Variants in TFDP2 observed in about 807,000 individuals in gnomAD.
The protein encoded by TFDP2 is transcription factor Dp-2.
Under a neutral mutation model 59.3 loss-of-function variants are expected in TFDP2, and 17 were observed. That is an observed-to-expected ratio of 0.29 (90% CI 0.20 to 0.43). The LOEUF (loss-of-function observed/expected upper bound fraction) is 0.43, where lower values mean the gene tolerates loss of function less well. Among genes scored for constraint, TFDP2 ranks in the 20% least tolerant of loss-of-function variants. TFDP2 has a pLI of 1.00. For synonymous variants in TFDP2, 180 were observed against 194.7 expected, an observed-to-expected ratio of 0.92 and a Z score of 0.63; for missense variants, 391 against 528.8, an observed-to-expected ratio of 0.74 and a Z score of 2.56.
chr3:142,036,207 A>G (rs192411954), intron 3 of TFDP2, among the ~76,000 whole-genome samples: 5 of 152,308 alleles, frequency 3.3e-5, no homozygotes, highest in Non-Finnish European at 2.9e-5. Context: ...TCCTTAATGG[A>G]TAACTGTTTT....
At chr3:142,063,847 T>A (rs347691) in intron 3 of TFDP2, among the ~76,000 whole-genome samples, 147 of 147,752 alleles carry the variant, frequency 9.9e-4, no homozygotes, top group Middle Eastern at 3.6e-3. Context: ...AAAAAAAAAA[T>A]TTCTGAATTG....
rs754553656 is a variant in TFDP2 at position 141,948,043 on chromosome 3, A to G, written c.*4470T>C. The G allele has an allele frequency of 6.6e-6, 1 of 152,208 alleles. No homozygotes were observed. Among genetic ancestry groups the G allele is most frequent in the Non-Finnish European group, 1.5e-5 (1 of 68,044 alleles). 9.4% of individuals were successfully genotyped at this position (152,208 alleles called of 1,614,324 possible). A position where few individuals can be genotyped will look rare whatever the true frequency, so the allele number is the denominator to read the frequency against. On this transcript the variant is annotated 3_prime_UTR_variant, in exon 13 of 13. Coordinates refer to ENST00000489671, the MANE Select transcript of TFDP2 (RefSeq NM_001178139.2). The stretch of plus-strand genomic sequence containing the variant: ...GCAGGGCTCTCGCTGCTCCGCCCCA[A>G]TGCCTGCTCACAGTAGGTACTCAAA...
intron 1 of TFDP2, chr3:142,126,275 T>C (rs765020488): frequency 6.6e-6 from 1 of 151,428 alleles, no homozygotes; most frequent in Admixed American, 6.6e-5. Context: ...GCCTCCCGGA[T>C]TCAAGCGATT....
At chr3:141,964,371 G>T (rs569294367) in intron 9 of TFDP2, among the ~76,000 whole-genome samples, 2 of 152,196 alleles carry the variant, frequency 1.3e-5, no homozygotes, top group Non-Finnish European at 2.9e-5. Context: ...CTCGAGGGAG[G>T]CTGGGCACAG....
chr3:142,105,965 G>C (rs1162396357), intron 1 of TFDP2, among the ~76,000 whole-genome samples: 1 of 9,688 alleles, frequency 1.0e-4, no homozygotes, highest in Non-Finnish European at 2.0e-4. Context: ...AATGTTAGAG[G>C]GGGGAAAAAA....
intron 8 of TFDP2, among the ~76,000 whole-genome samples, chr3:141,973,123 A>ATATATATATTTTTTTTTTTTTT: frequency 1.7e-5 from 1 of 58,030 alleles, no homozygotes; most frequent in Non-Finnish European, 3.7e-5. Context: ...ATATATATAT[A>ATATATATATTTTTTTTTTTTTT]TTTTTTTTTT....
At chr3:142,062,759 A>C (rs2059962533) in intron 3 of TFDP2, among the ~76,000 whole-genome samples, 1 of 150,826 alleles carries the variant, frequency 6.6e-6, no homozygotes, top group East Asian at 1.9e-4. Flanking sequence ...ATGCCCAATA[A>C]CATTAAAGTG....
At chr3:141,997,298 TA>T (rs1181845459) in intron 4 of TFDP2, among the ~76,000 whole-genome samples, 1 of 152,116 alleles carries the variant, frequency 6.6e-6, no homozygotes, top group African/African-American at 2.4e-5. Flanking sequence ...TAAAATCCAC[TA>T]AAAAAATACA....
At chr3:142,120,764 C>T (rs2062020073) in intron 1 of TFDP2, among the ~76,000 whole-genome samples, 1 of 152,086 alleles carries the variant, frequency 6.6e-6, no homozygotes, top group Non-Finnish European at 1.5e-5. Flanking sequence ...AGCAGTAGTA[C>T]ACTTGAAGGG....
intron 1 of TFDP2, among the ~76,000 whole-genome samples, chr3:142,133,824 T>C (rs1473817721): frequency 2.0e-5 from 3 of 151,624 alleles, no homozygotes; most frequent in Non-Finnish European, 2.9e-5. Context: ...TTTGTTTTGT[T>C]TTTTAAACCA....
chr3:141,969,564 A>G (rs1030204259), intron 9 of TFDP2, among the ~76,000 whole-genome samples: 9 of 152,026 alleles, frequency 5.9e-5, no homozygotes, highest in Non-Finnish European at 1.2e-4. Flanking sequence ...GTGAGCCAAG[A>G]TCGCACCACT....
intron 3 of TFDP2, among the ~76,000 whole-genome samples, chr3:142,047,823 C>T (rs773211576): frequency 1.3e-5 from 2 of 150,372 alleles, no homozygotes; most frequent in Admixed American, 1.3e-4. Context: ...TTCACTGCAA[C>T]CTCCGCCTCC....
intron 1 of TFDP2, among the ~76,000 whole-genome samples, chr3:142,136,593 T>G (rs1470534077): frequency 6.6e-6 from 1 of 152,124 alleles, no homozygotes; most frequent in Non-Finnish European, 1.5e-5. Context: ...GAATTAATTT[T>G]TATATAAGGT....
chr3:142,043,762 C>A (rs1021929554), intron 3 of TFDP2: 3 of 1,580,232 alleles, frequency 1.9e-6, no homozygotes, highest in African/African-American at 2.7e-5. Flanking sequence ...GAGCTTCTTG[C>A]GGGCCTTGTC....
At chr3:141,987,599 T>C (rs960473745) in intron 6 of TFDP2, among the ~76,000 whole-genome samples, 1 of 150,532 alleles carries the variant, frequency 6.6e-6, no homozygotes, top group Admixed American at 6.6e-5. Context: ...TGTGTGTGTG[T>C]GTGTATGCGT....
chr3:142,012,824 A>C (rs1206765694), intron 3 of TFDP2, among the ~76,000 whole-genome samples: 1 of 152,150 alleles, frequency 6.6e-6, no homozygotes, highest in Non-Finnish European at 1.5e-5. Context: ...ATGAAGATGC[A>C]TGCACTTGTT....
chr3:142,134,257 G>A (rs562860205), intron 1 of TFDP2, among the ~76,000 whole-genome samples: 1 of 148,232 alleles, frequency 6.7e-6, no homozygotes, highest in East Asian at 2.0e-4. Context: ...CCTGAGGCAG[G>A]AGAATCGCCT....
At chr3:142,002,302 TTTTTTA>T (rs1399144359) in intron 4 of TFDP2, among the ~76,000 whole-genome samples, 1 of 149,848 alleles carries the variant, frequency 6.7e-6, no homozygotes, top group Non-Finnish European at 1.5e-5. Context: ...GCCTAGCTAA[TTTTTTA>T]TTTTTAGTGT....
At chr3:142,088,919 C>T (rs1380333483) in intron 3 of TFDP2, among the ~76,000 whole-genome samples, 1 of 151,956 alleles carries the variant, frequency 6.6e-6, no homozygotes, top group Non-Finnish European at 1.5e-5. Flanking sequence ...CCTCTGCCTC[C>T]CTGGTTCAAG....
Sources: gnomAD v4.1 joint callset for allele counts (sites outside exome capture counted in the v4.1 genomes callset) on GRCh38, gnomAD v4.1.1 for gene constraint, MANE v1.5 for transcripts, NCBI Gene and HGNC (gene_info 2026-07-23, HGNC 2026-07-21) for gene names.